TTN: variants seen among roughly 807,000 people sequenced by gnomAD.
TTN encodes connectin.
In TTN, 1,525 loss-of-function variants were observed where a neutral mutation model predicts 3,223.0. That is an observed-to-expected ratio of 0.47 (90% CI 0.45 to 0.49). TTN has a LOEUF of 0.49. TTN is among the 20% of genes least tolerant of loss of function. TTN has a pLI of 0.00. For synonymous variants in TTN, 14,094 were observed against 15,161.0 expected (o/e 0.93, Z 5.17); for missense variants, 40,786 against 43,424.0 (o/e 0.94, Z 5.40).
rs768179623 is a variant in TTN, at chr2:178,721,918, G to C, written c.22745C>G (p.Ser7582Cys). 9.3e-6 allele frequency: 15 copies of C among 1,613,486 alleles called. No homozygotes were observed. The highest frequency in any genetic ancestry group is 1.7e-5 in the Admixed American group (1 of 59,998). ...GGTTGCTTGGCAAGTATATTGACCA[G>C]AGTCTCCTTTGCCTACTTTAAGAAT... The part of the protein sequence containing the change: ...LRILKVGKGD[S>C]GQYTCQATND... Residue 7582 changes from serine to cysteine, a missense_variant, in exon 78 of 363, where the codon TCT becomes TGT. Ser to Cys is a moderately radical substitution (Grantham distance 112). Coordinates refer to ENST00000589042, the MANE Select transcript of TTN (RefSeq NM_001267550.2).
intron 269 of TTN, 42 bp from the exon 270 acceptor site, chr2:178,611,313 A>G (rs768178492): frequency 2.0e-4 from 316 of 1,610,678 alleles, no homozygotes; most frequent in Non-Finnish European, 2.6e-4. Context: ...AGAGTATGTC[A>G]AAATGCAATG....
rs186992412 is a variant in TTN, at chr2:178,669,653, A to C, written c.35409T>G (p.Ile11803Met). The stretch of plus-strand genomic sequence containing the variant: ...CTTCACGAACTTTTTCTTCTGGGAC[A>C]ATTTTCTTGGGTACTTCGGGTGCTT... Reference protein sequence around the residue: ...PTKAPEVPKKIVPEEKVREAV... With the variant: ...PTKAPEVPKKMVPEEKVREAV... The change falls in exon 158 of 363, where the codon ATT (isoleucine) becomes ATG (methionine). Residue 11803 changes from isoleucine (I) to methionine (M), a missense_variant. Physicochemically the swap from Ile to Met is conservative, Grantham distance 10. Coordinates refer to ENST00000589042, the MANE Select transcript of TTN (RefSeq NM_001267550.2). The C allele has an allele frequency of 2.1e-4, 340 of 1,612,328 alleles. No individual in the cohort carries two copies. The African/African-American group carries it at 4.2e-3, about 20-fold the overall frequency.
chr2:178,747,237 G>C (rs368249743), intron 47 of TTN: 6 of 1,612,776 alleles, frequency 3.7e-6, no homozygotes, highest in Non-Finnish European at 5.1e-6. Context: ...GTCTCCCCTG[G>C]GGGTGTGGAG....
At position 178,573,473 on chromosome 2, in the gene TTN, T is replaced by A. The variant is rs764900780; in HGVS notation, c.72659A>T (p.Tyr24220Phe). ...ESEPVLAVNPYGPPDPPKNPE... is the reference protein window; with the variant it reads ...ESEPVLAVNPFGPPDPPKNPE... ...GTTTTTGGGCGGATCAGGGGGTCCA[T>A]AAGGATTCACTGCAAGCACAGGCTC... The change falls in exon 326 of 363, where the codon TAT becomes TTT. Residue 24220 changes from tyrosine (Y) to phenylalanine (F), a missense_variant. By Grantham distance (22) the Tyr-to-Phe change is conservative. Transcript: ENST00000589042. 9.3e-6 allele frequency: 14 copies of A among 1,510,854 alleles called. No homozygotes were observed. Among genetic ancestry groups the A allele is most frequent in the Non-Finnish European group, 1.2e-5 (14 of 1,133,866 alleles). The allele number at this position is 1,510,854 out of a possible 1,614,324, so 93.6% of individuals were successfully genotyped here.
intron 159 of TTN, among the ~76,000 whole-genome samples, chr2:178,668,898 A>G (rs2154262944): frequency 6.6e-6 from 1 of 150,634 alleles, no homozygotes; most frequent in South Asian, 2.2e-4. Flanking sequence ...AAAGGTCGTG[A>G]GAATTCTTTT....
At position 178,541,574 on chromosome 2, in the gene TTN, T is replaced by A. The variant is rs1694531287; in HGVS notation, c.97503A>T (p.Gly32501=). 3 of 1,606,898 alleles carry A rather than the reference T, an allele frequency of 1.9e-6. No individual in the cohort carries two copies. The East Asian group carries it at 6.7e-5, about 36-fold the overall frequency. ...CAAATATCTGTAATGTTTCTGGGGG[T>A]CCAGGAATACCTGCAGCAAGACAGA... ...IECRSSIRIP[G]PPETLQIFDV... The change falls in exon 350 of 363, where the codon GGA becomes GGT. Residue 32501 remains glycine, a synonymous_variant. Coordinates refer to ENST00000589042, the MANE Select transcript of TTN (RefSeq NM_001267550.2).
chr2:178,674,505 G>T, intron 150 of TTN, 96 bp from the exon 151 acceptor site: 1 of 709,966 alleles, frequency 1.4e-6, no homozygotes. Context: ...CCTTCGAAAC[G>T]CTTGTGTAAA....
Position 178,613,205 on chromosome 2 carries a change from T to A in TTN, c.49604A>T (p.Lys16535Ile), listed in dbSNP as rs975321413. Residue 16535 changes from lysine (K) to isoleucine (I), a missense_variant, in exon 264 of 363, where the codon AAA becomes ATA. Lys to Ile is a moderately radical substitution (Grantham distance 102, BLOSUM62 -3). Transcript: ENST00000589042. ...GATTGGTTCAGTTGATTTGCTTGGT[T>A]TTCCAGGTCCAGCAAGATTTTCAGC... ...VLAENLAGPG[K>I]PSKSTEPILI... is the part of the protein sequence containing the mutation. 2 of 1,611,564 alleles carry A rather than the reference T, an allele frequency of 1.2e-6. No homozygotes were observed. Among genetic ancestry groups the A allele is most frequent in the Non-Finnish European group, 1.7e-6 (2 of 1,178,878 alleles).
At chr2:178,702,869 G>A (rs945086638) in intron 106 of TTN, among the ~76,000 whole-genome samples, 1 of 152,134 alleles carries the variant, frequency 6.6e-6, no homozygotes, top group African/African-American at 2.4e-5. Flanking sequence ...TATTCATGCT[G>A]GTCGAATGTA....
chr2:178,535,804 G>A lies in TTN; in HGVS notation c.100811C>T (p.Ala33604Val), dbSNP rs1691172442. ...CACTTCACCTCGGAGAGCATGAACT[G>A]CTCCCATGCCTTCAAGAGTTTTAGG... Reference protein sequence around the residue: ...HLPKTLEGMGAVHALRGEVVS... With the variant: ...HLPKTLEGMGVVHALRGEVVS... Residue 33604 changes from alanine (A) to valine (V), a missense_variant, in exon 358 of 363, where the codon GCA becomes GTA. Coordinates refer to ENST00000589042, the MANE Select transcript of TTN (RefSeq NM_001267550.2). 4 of 1,607,658 alleles carry A rather than the reference G, an allele frequency of 2.5e-6. No homozygotes were observed. Among genetic ancestry groups the A allele is most frequent in the Non-Finnish European group, 3.4e-6 (4 of 1,177,094 alleles).
chr2:178,702,788 A>G, intron 106 of TTN, 125 bp from the exon 107 acceptor site: 1 of 962,824 alleles, frequency 1.0e-6, no homozygotes, highest in Non-Finnish European at 1.5e-6. Context: ...AGAAAAGTTC[A>G]AAAATCCAAA....
chr2:178,778,321 G>C, intron 24 of TTN: 1 of 293,710 alleles, frequency 3.4e-6, no homozygotes, highest in Non-Finnish European at 6.5e-6. Flanking sequence ...AATAAATGTT[G>C]GTTGGATAAG....
Position 178,677,861 on chromosome 2 carries a change from C to A in TTN, c.34051G>T (p.Val11351Phe). Residue 11351 changes from valine to phenylalanine, a missense_variant, in exon 146 of 363, where the codon GTT (valine) becomes TTT (phenylalanine). By Grantham distance (50) the Val-to-Phe change is conservative (BLOSUM62 -1). Coordinates refer to ENST00000589042, the MANE Select transcript of TTN (RefSeq NM_001267550.2). ...VPVALPQEEE[V>F]LFEEEIVPEE... Reference sequence around the variant, plus strand: ...GGAACAATTTCTTCTTCAAATAGAACTTCCTCTTCCTGAGGTAGAGCTACA... The same window carrying A: ...GGAACAATTTCTTCTTCAAATAGAAATTCCTCTTCCTGAGGTAGAGCTACA... 6.2e-7 allele frequency: 1 copy of A among 1,612,352 alleles called. No individual in the cohort carries two copies. The highest frequency in any genetic ancestry group is 1.3e-5 in the African/African-American group (1 of 74,876).
Position 178,783,646 on chromosome 2 carries a change from A to C in TTN, c.2841+74T>G, listed in dbSNP as rs778594227. 184 of 1,293,322 alleles carry C rather than the reference A, an allele frequency of 1.4e-4. 1 individual carries two copies. The highest frequency in any genetic ancestry group is 2.0e-4 in the Non-Finnish European group (175 of 894,914). 80.1% of individuals were successfully genotyped at this position (1,293,322 alleles called of 1,614,324 possible). A position where few individuals can be genotyped will look rare whatever the true frequency, so the allele number is the denominator to read the frequency against. ...ATTTTTGTATTAATTTGAGAAACTG[A>C]TCTTTGCAAACGTGTATTAAAATGA... is the stretch of plus-strand genomic sequence containing the variant. On this transcript the variant is annotated intron_variant, in intron 17 of 362. Transcript: ENST00000589042.
chr2:178,724,254 A>C lies in TTN; in HGVS notation c.21115+6T>G. 1 of 1,610,386 alleles carries C rather than the reference A, an allele frequency of 6.2e-7. No individual in the cohort carries two copies. Among genetic ancestry groups the C allele is most frequent in the Middle Eastern group, 1.7e-4 (1 of 6,038 alleles). On this transcript the variant is annotated splice_donor_region_variant and intron_variant, in intron 72 of 362. Transcript: ENST00000589042. ...TAAGCAACCAGAAGAAAACAGCAGA[A>C]CTAACCTGAAACATCAACCACAGCT...
chr2:178,565,572 T>C lies in TTN; in HGVS notation c.80560A>G (p.Lys26854Glu). 1 of 1,613,638 alleles carries C rather than the reference T, an allele frequency of 6.2e-7. No homozygotes were observed. Among genetic ancestry groups the C allele is most frequent in the Non-Finnish European group, 8.5e-7 (1 of 1,179,636 alleles). ...CTTTTTCCTTTCTCATTATAAGCCT[T>C]GACACGGAACTGATATTCTTGTCCA... Reference protein sequence around the residue: ...SSGQEYQFRVKAYNEKGKSDP... With the variant: ...SSGQEYQFRVEAYNEKGKSDP... Residue 26854 changes from lysine (K) to glutamate (E), a missense_variant, in exon 326 of 363, where the codon AAG becomes GAG. Physicochemically the swap from Lys to Glu is moderately conservative, Grantham distance 56. Coordinates refer to ENST00000589042, the MANE Select transcript of TTN (RefSeq NM_001267550.2).
rs1172243981 is a variant in TTN, at chr2:178,530,542, A to T, written c.106073T>A (p.Val35358Asp). The T allele has an allele frequency of 6.2e-7, 1 of 1,614,006 alleles. No homozygotes were observed. The highest frequency in any genetic ancestry group is 8.5e-7 in the Non-Finnish European group (1 of 1,179,888). The change falls in exon 358 of 363, where the codon GTT becomes GAT. Residue 35358 changes from valine to aspartate, a missense_variant. Val to Asp is a radical substitution (Grantham distance 152). Coordinates refer to ENST00000589042, the MANE Select transcript of TTN (RefSeq NM_001267550.2). Reference sequence around the variant, plus strand: ...TCCACCTTCACCAGAAATCTCACAAACATATTCTCCTTGATCAGATTCAGT... The same window carrying T: ...TCCACCTTCACCAGAAATCTCACAATCATATTCTCCTTGATCAGATTCAGT... ...NLTESDQGEY[V>D]CEISGEGGTS...
chr2:178,775,694 C>T lies in TTN; in HGVS notation c.6170G>A (p.Gly2057Asp), dbSNP rs1424305753. 1 of 1,614,098 alleles carries T rather than the reference C, an allele frequency of 6.2e-7. No homozygotes were observed. Among genetic ancestry groups the T allele is most frequent in the South Asian group, 1.1e-5 (1 of 91,082 alleles). ...EEEKKALAEE[G>D]KITIPTFKPD... ...TTTAAAAGTTGGAATCGTGATTTTG[C>T]CTTCTTCGGCAAGAGCTTTCTTTTC... Residue 2057 changes from glycine to aspartate, a missense_variant, in exon 28 of 363, where the codon GGC (glycine) becomes GAC (aspartate). Gly to Asp is a moderately conservative substitution (Grantham distance 94). Coordinates refer to ENST00000589042, the MANE Select transcript of TTN (RefSeq NM_001267550.2).
intron 231 of TTN, 22 bp downstream of exon 231, chr2:178,633,795 G>T (rs538599617): frequency 6.2e-7 from 1 of 1,611,404 alleles, no homozygotes; most frequent in Admixed American, 1.7e-5. Flanking sequence ...CTGGCTATCT[G>T]GTTATACTTG....
Sources: gnomAD v4.1 joint callset for allele counts (sites outside exome capture counted in the v4.1 genomes callset) on GRCh38, gnomAD v4.1.1 for gene constraint, MANE v1.5 for transcripts, NCBI Gene and HGNC (gene_info 2026-07-23, HGNC 2026-07-21) for gene names.